The following ERC2 variants were observed in gnomAD, a reference collection of about 807,000 sequenced individuals.
ERC2 encodes the protein ELKS/RAB6-interacting/CAST family member 2.
Under a neutral mutation model 114.8 loss-of-function variants are expected in ERC2, and 42 were observed. The observed-to-expected ratio is 0.37, with a 90% CI of 0.29 to 0.47. The LOEUF is 0.47. ERC2 is among the 20% of genes least tolerant of loss of function. The pLI, the probability that ERC2 is intolerant of heterozygous loss-of-function variation, is 0.99. For synonymous variants in ERC2, 454 were observed against 425.5 expected (o/e 1.07, Z -0.82); for missense variants, 939 against 1,150.7 (o/e 0.82, Z 2.66).
chr3:55,956,944 T>G lies in ERC2; in HGVS notation c.2268-6384A>C, dbSNP rs527908775. On this transcript the variant is annotated intron_variant, in intron 12 of 17. Coordinates refer to ENST00000288221, the MANE Select transcript of ERC2 (RefSeq NM_015576.3). ...TGTCTTCCACCTCCTCTGTGGTGCT[T>G]GGGGCTACACAAGGGCCCAGAGACA... Among the ~76,000 whole-genome samples, 9 of 128,390 alleles carry G rather than the reference T, an allele frequency of 7.0e-5. No individual in the cohort carries two copies. The South Asian group carries it at 2.1e-3, about 30-fold the overall frequency. The allele number at this position is 128,390 out of a possible 152,430, so 84.2% of individuals were successfully genotyped here.
At chr3:55,781,051 T>C (rs2069000443) in intron 14 of ERC2, among the ~76,000 whole-genome samples, 1 of 152,196 alleles carries the variant, frequency 6.6e-6, no homozygotes. Context: ...CCAAATACAT[T>C]TGGACATTAT....
Position 55,559,491 on chromosome 3 carries a change from G to A in ERC2, c.*40-48215C>T, listed in dbSNP as rs144451105. ...TAGCTATCTGTTTAGCAACTAAGTT[G>A]TTGGTTTCCACCATGCTACAAATCA... is the stretch of plus-strand genomic sequence containing the variant. On this transcript the variant is annotated intron_variant, in intron 17 of 17. Coordinates refer to ENST00000288221, the MANE Select transcript of ERC2 (RefSeq NM_015576.3). Among the ~76,000 whole-genome samples the A allele has an allele frequency of 2.0e-5, 3 of 152,220 alleles. No homozygotes were observed. The East Asian group carries it at 5.8e-4, about 29-fold the overall frequency.
chr3:56,324,868 T>A (rs2057287635), intron 2 of ERC2, among the ~76,000 whole-genome samples: 1 of 151,938 alleles, frequency 6.6e-6, no homozygotes, highest in Non-Finnish European at 1.5e-5. Flanking sequence ...CCAAGGACAC[T>A]CTTGCTTCCA....
intron 4 of ERC2, among the ~76,000 whole-genome samples, chr3:56,160,461 G>A (rs2081985496): frequency 6.6e-6 from 1 of 152,090 alleles, no homozygotes; most frequent in South Asian, 2.1e-4. Context: ...CTTCAGCTAA[G>A]CAGAAGAACT....
intron 3 of ERC2, among the ~76,000 whole-genome samples, chr3:56,263,452 T>TGTC (rs2053083371): frequency 2.0e-5 from 3 of 151,624 alleles, no homozygotes; most frequent in Non-Finnish European, 4.4e-5. Flanking sequence ...TCATCTGCCC[T>TGTC]ATAGCTGTGA....
Position 56,106,008 on chromosome 3 carries a change from T to C in ERC2, c.1474-25024A>G, listed in dbSNP as rs149257736. On this transcript the variant is annotated intron_variant, in intron 6 of 17. Coordinates refer to ENST00000288221, the MANE Select transcript of ERC2 (RefSeq NM_015576.3). ...CAGAAAGAATGCACAATTCAGGACT[T>C]ATGTTTCTGGTACAGAAAGAAACTT... Among the ~76,000 whole-genome samples, 8 of 152,336 alleles carry C rather than the reference T, an allele frequency of 5.3e-5. 1 individual carries two copies. In the South Asian group the frequency reaches 1.0e-3, roughly 20 times the overall value.
intron 17 of ERC2, among the ~76,000 whole-genome samples, chr3:55,539,371 T>C (rs959760252): frequency 5.3e-5 from 8 of 151,264 alleles, no homozygotes; most frequent in African/African-American, 1.9e-4. Context: ...TTTTCTTTTC[T>C]TTTATTTTCT....
At chr3:56,148,898 T>C in intron 5 of ERC2, 79 bp downstream of exon 5, 1 of 1,286,636 alleles carries the variant, frequency 7.8e-7, no homozygotes, top group East Asian at 2.3e-5. Flanking sequence ...TTATATGGAG[T>C]ATTTGGAAAA....
At chr3:55,546,620 T>C (rs566280788) in intron 17 of ERC2, among the ~76,000 whole-genome samples, 20 of 152,366 alleles carry the variant, frequency 1.3e-4, no homozygotes, top group Admixed American at 1.2e-3. Flanking sequence ...GAATGAATCC[T>C]ATTTCACCAT....
intron 3 of ERC2, among the ~76,000 whole-genome samples, chr3:56,212,873 T>C (rs1400101776): frequency 6.6e-6 from 1 of 152,086 alleles, no homozygotes. Flanking sequence ...ATAATGGCAT[T>C]TGCAGCAACC....
intron 17 of ERC2, among the ~76,000 whole-genome samples, chr3:55,582,924 T>C (rs2057331226): frequency 2.0e-5 from 3 of 152,332 alleles, no homozygotes; most frequent in African/African-American, 7.2e-5. Flanking sequence ...AATGACACAA[T>C]TCTTGCCAGA....
intron 17 of ERC2, among the ~76,000 whole-genome samples, chr3:55,663,939 A>G (rs967478585): frequency 6.6e-6 from 1 of 152,192 alleles, no homozygotes; most frequent in Non-Finnish European, 1.5e-5. Context: ...CAGTGCGACT[A>G]TTCTGTAAAC....
intron 14 of ERC2, among the ~76,000 whole-genome samples, chr3:55,867,361 T>C (rs1008937539): frequency 5.9e-5 from 9 of 152,142 alleles, no homozygotes; most frequent in African/African-American, 1.9e-4. Flanking sequence ...GTTCAATAAG[T>C]GTTTTAGGGT....
chr3:56,195,704 G>A (rs1439553433), intron 3 of ERC2, among the ~76,000 whole-genome samples: 1 of 152,028 alleles, frequency 6.6e-6, no homozygotes, highest in Non-Finnish European at 1.5e-5. Flanking sequence ...TGGTGTACCT[G>A]TAGTCCCAGC....
intron 1 of ERC2, among the ~76,000 whole-genome samples, chr3:56,440,467 GGA>G (rs2062241530): frequency 6.6e-6 from 1 of 151,954 alleles, no homozygotes; most frequent in Admixed American, 6.6e-5. Context: ...AGAATGGCAT[GGA>G]CCCAGGAGGC....
At chr3:56,339,501 C>T (rs1418901446) in intron 2 of ERC2, among the ~76,000 whole-genome samples, 2 of 152,032 alleles carry the variant, frequency 1.3e-5, no homozygotes, top group African/African-American at 4.8e-5. Context: ...CATAAAGGAG[C>T]TGAGAGGCAC....
chr3:55,840,317 A>T (rs1279552986), intron 14 of ERC2, among the ~76,000 whole-genome samples: 1 of 152,076 alleles, frequency 6.6e-6, no homozygotes, highest in Non-Finnish European at 1.5e-5. Flanking sequence ...GGCAAAATAT[A>T]TGAACAAACA....
intron 13 of ERC2, among the ~76,000 whole-genome samples, chr3:55,905,521 G>A (rs1189508084): frequency 2.3e-5 from 3 of 133,058 alleles, no homozygotes; most frequent in South Asian, 2.6e-4. Context: ...CAGTAACTCC[G>A]AGGGGAAGTC....
intron 13 of ERC2, among the ~76,000 whole-genome samples, chr3:55,918,598 G>A (rs1244150271): frequency 6.6e-6 from 1 of 151,944 alleles, no homozygotes; most frequent in East Asian, 1.9e-4. Flanking sequence ...ATGATGCACT[G>A]TGTGCATTTC....
Sources: gnomAD v4.1 joint callset for allele counts (sites outside exome capture counted in the v4.1 genomes callset) on GRCh38, gnomAD v4.1.1 for gene constraint, MANE v1.5 for transcripts, NCBI Gene and HGNC (gene_info 2026-07-23, HGNC 2026-07-21) for gene names.